The following AASDH variants were observed in gnomAD, a reference collection of about 807,000 sequenced individuals.
AASDH encodes aminoadipate-semialdehyde dehydrogenase, also known as beta-alanine-activating enzyme.
Under a neutral mutation model 102.3 loss-of-function variants are expected in AASDH, and 81 were observed. The ratio of observed to expected loss-of-function variants is 0.79; its 90% confidence interval spans 0.66 to 0.95. The LOEUF (loss-of-function observed/expected upper bound fraction) is 0.95. Ranked by LOEUF, AASDH falls within the 40% of genes least tolerant of loss-of-function variation. AASDH has a pLI of 0.00. For synonymous variants in AASDH, 398 were observed against 454.0 expected, an observed-to-expected ratio of 0.88 and a Z score of 1.57; for missense variants, 1,203 against 1,266.2, an observed-to-expected ratio of 0.95 and a Z score of 0.76.
rs145602652 is a variant in AASDH at position 56,355,313 on chromosome 4, T to C, written c.972A>G (p.Ser324=). 1 of 1,614,166 alleles carries C rather than the reference T, an allele frequency of 6.2e-7. No individual in the cohort carries two copies. Among genetic ancestry groups the C allele is most frequent in the Non-Finnish European group, 8.5e-7 (1 of 1,180,024 alleles). ...VLALGGEAFP[S]LTVLRSWRGE... ...CTCTCCAGCTTCTGAGAACTGTCAA[T>C]GATGGAAACGCTTCACCACCAAGGG... Residue 324 remains serine (S), a synonymous_variant, in exon 6 of 15, where the codon TCA becomes TCG. Transcript: ENST00000205214.
intron 4 of AASDH, among the ~76,000 whole-genome samples, chr4:56,372,433 G>A (rs773750479): frequency 3.3e-5 from 5 of 152,046 alleles, no homozygotes; most frequent in Middle Eastern, 3.2e-3. Flanking sequence ...AGAGACTTCC[G>A]ACTCCCCTTT....
chr4:56,372,324 G>A (rs920870964), intron 4 of AASDH, among the ~76,000 whole-genome samples: 1 of 152,118 alleles, frequency 6.6e-6, no homozygotes, highest in Admixed American at 6.5e-5. Context: ...CCCCACAATT[G>A]TGTAAACCAA....
chr4:56,369,944 T>C (rs1408641397), intron 5 of AASDH, among the ~76,000 whole-genome samples: 14 of 133,272 alleles, frequency 1.1e-4, no homozygotes, highest in Admixed American at 1.0e-3. Context: ...CTGTCTCAAT[T>C]AAAAAAAAAA....
At chr4:56,382,684 A>G in intron 2 of AASDH, 87 bp from the exon 3 acceptor site, 3 of 1,461,322 alleles carry the variant, frequency 2.1e-6, no homozygotes, top group South Asian at 1.3e-5. Flanking sequence ...CACTTTATTT[A>G]TTTTTTGTAG....
At chr4:56,386,004 T>G (rs1214575598) in intron 1 of AASDH, among the ~76,000 whole-genome samples, 1 of 152,026 alleles carries the variant, frequency 6.6e-6, no homozygotes, top group Non-Finnish European at 1.5e-5. Context: ...TATCAACTAA[T>G]TAACATCAAT....
In AASDH at chr4:56,352,657, A is replaced by C. The variant is rs191246204; in HGVS notation, c.1576+747T>G. 1.9e-3 allele frequency among the ~76,000 whole-genome samples: 287 copies of C among 152,286 alleles called. 1 individual carries two copies. The highest frequency in any genetic ancestry group is 2.7e-3 in the Non-Finnish European group (185 of 68,020). On this transcript the variant is annotated intron_variant, in intron 9 of 14. Transcript: ENST00000205214. ...GTGATCCACCTGCCTTGGCATCCCA[A>C]AGTGCTGGGATTATAGGCGCGAGTT...
At chr4:56,339,381 G>A (rs893477082) in intron 14 of AASDH, among the ~76,000 whole-genome samples, 3 of 151,856 alleles carry the variant, frequency 2.0e-5, no homozygotes, top group Non-Finnish European at 4.4e-5. Context: ...TCCTGACCTC[G>A]TGATCCGCCC....
Position 56,366,775 on chromosome 4 carries a change from A to G in AASDH, c.861+4676T>C, listed in dbSNP as rs1446196798. On this transcript the variant is annotated intron_variant, in intron 5 of 14. Transcript: ENST00000205214. ...CCACAGCCAATATCATACTGAATGG[A>G]CAAAAACTGGAAGCATTCCCTTTGA... is the stretch of plus-strand genomic sequence containing the variant. Among the ~76,000 whole-genome samples the G allele has an allele frequency of 8.1e-4, 122 of 150,932 alleles. 1 individual carries two copies. Among genetic ancestry groups the G allele is most frequent in the African/African-American group, 2.9e-3 (118 of 41,114 alleles).
intron 4 of AASDH, among the ~76,000 whole-genome samples, chr4:56,374,367 CAGAA>C (rs869095748): frequency 2.7e-5 from 3 of 110,218 alleles, no homozygotes; most frequent in African/African-American, 1.0e-4. Context: ...GACTCTGTCT[CAGAA>C]AAAAAAAAAA....
At chr4:56,381,133 T>C (rs1323451868) in intron 3 of AASDH, among the ~76,000 whole-genome samples, 2 of 152,304 alleles carry the variant, frequency 1.3e-5, no homozygotes, top group East Asian at 3.9e-4. Flanking sequence ...TCAGCTACCT[T>C]TTATAAAATT....
intron 1 of AASDH, 112 bp from the exon 2 acceptor site, chr4:56,384,453 A>G (rs1753319983): frequency 1.7e-6 from 1 of 597,916 alleles, no homozygotes; most frequent in African/African-American, 1.9e-5. Flanking sequence ...TATCAAAGAT[A>G]TATAAATGAA....
chr4:56,374,694 C>T lies in AASDH; in HGVS notation c.669-3051G>A, dbSNP rs574467972. Among the ~76,000 whole-genome samples the T allele has an allele frequency of 1.4e-3, 210 of 152,166 alleles. 3 individuals carry two copies. Among genetic ancestry groups the T allele is most frequent in the African/African-American group, 4.6e-3 (193 of 41,524 alleles). On this transcript the variant is annotated intron_variant, in intron 4 of 14. Coordinates refer to ENST00000205214, the MANE Select transcript of AASDH (RefSeq NM_181806.4). ...AAATGAACTTAATAAAATGCAATTC[C>T]GTTTCTTTTGTAAACTGCTATATGC... is the stretch of plus-strand genomic sequence containing the variant.
At chr4:56,365,097 C>T (rs1011210871) in intron 5 of AASDH, among the ~76,000 whole-genome samples, 12 of 151,984 alleles carry the variant, frequency 7.9e-5, no homozygotes, top group African/African-American at 2.9e-4. Flanking sequence ...GACTTTAAAC[C>T]AACAAAGATC....
chr4:56,369,875 C>T (rs189411499), intron 5 of AASDH, among the ~76,000 whole-genome samples: 274 of 148,100 alleles, frequency 1.9e-3, no homozygotes, highest in African/African-American at 6.4e-3. Flanking sequence ...GGGAGACAGA[C>T]ATTGCAGTGA....
intron 10 of AASDH, among the ~76,000 whole-genome samples, chr4:56,350,370 C>T (rs1266385520): frequency 6.6e-6 from 1 of 152,130 alleles, no homozygotes; most frequent in Non-Finnish European, 1.5e-5. Context: ...AAGAGAATCG[C>T]TTGAACCCAG....
chr4:56,378,044 G>A (rs1230783269), intron 4 of AASDH, 104 bp downstream of exon 4: 1 of 1,126,166 alleles, frequency 8.9e-7, no homozygotes, highest in Non-Finnish European at 1.3e-6. Flanking sequence ...GACCTCAAGT[G>A]ATCCACCCGC....
chr4:56,357,945 C>A (rs1749810597), intron 5 of AASDH, among the ~76,000 whole-genome samples: 1 of 151,786 alleles, frequency 6.6e-6, no homozygotes, highest in Non-Finnish European at 1.5e-5. Context: ...GGGAGAAATG[C>A]AATCTCAACA....
rs1163978520 is a variant in AASDH, at chr4:56,349,789, C to G, written c.1962G>C (p.Glu654Asp). 4 of 1,614,062 alleles carry G rather than the reference C, an allele frequency of 2.5e-6. No individual in the cohort carries two copies. Residue 654 changes from glutamate to aspartate, a missense_variant, in exon 11 of 15, where the codon GAG becomes GAC. Coordinates refer to ENST00000205214, the MANE Select transcript of AASDH (RefSeq NM_181806.4). Reference protein sequence around the residue: ...TKRKLSDINQEEASGTSLHQK... With the variant: ...TKRKLSDINQDEASGTSLHQK... ...GATGTAAAGATGTTCCACTGGCTTCCTCTTGATTAATGTCGCTGAGTTTCC... is the reference window on the plus strand; with the variant it reads ...GATGTAAAGATGTTCCACTGGCTTCGTCTTGATTAATGTCGCTGAGTTTCC...
intron 7 of AASDH, 56 bp from the exon 8 acceptor site, chr4:56,354,267 C>A: frequency 1.4e-6 from 2 of 1,426,130 alleles, no homozygotes; most frequent in South Asian, 1.7e-5. Context: ...ATATTAAAAA[C>A]CATAAAATCA....
Sources: gnomAD v4.1 joint callset for allele counts (sites outside exome capture counted in the v4.1 genomes callset) on GRCh38, gnomAD v4.1.1 for gene constraint, MANE v1.5 for transcripts, NCBI Gene and HGNC (gene_info 2026-07-23, HGNC 2026-07-21) for gene names.